Variants in SMAD2 observed in about 807,000 individuals in gnomAD.
The protein encoded by SMAD2 is MAD homolog 2.
In SMAD2, 8 loss-of-function variants were observed where a neutral mutation model predicts 64.4. The ratio of observed to expected loss-of-function variants is 0.12; its 90% CI spans 0.07 to 0.22. SMAD2 has a LOEUF of 0.22. SMAD2 is among the 10% of genes least tolerant of loss of function. The probability of loss-of-function intolerance (pLI) is 1.00; values close to 1 mark genes in which losing one functional copy is unlikely to be tolerated. For synonymous variants in SMAD2, 203 were observed against 195.8 expected (o/e 1.04, Z -0.31); for missense variants, 289 against 561.2 (o/e 0.51, Z 4.90).
In SMAD2 at chr18:47,835,466, T is replaced by G; in HGVS notation, c.*6361A>C. ...TTTTTCAGCTCGAACAATCCAAGAT[T>G]GGGAATAGTAAGAGTGGCAAACAAA... On this transcript the variant is annotated 3_prime_UTR_variant, in exon 11 of 11. Transcript: ENST00000262160. The G allele has an allele frequency of 5.0e-6, 1 of 200,366 alleles. No individual in the cohort carries two copies. Among genetic ancestry groups the G allele is most frequent in the East Asian group, 7.7e-5 (1 of 12,978 alleles). 12.4% of individuals were successfully genotyped at this position (200,366 alleles called of 1,614,324 possible).
intron 1 of SMAD2, among the ~76,000 whole-genome samples, chr18:47,919,583 GA>G (rs1432894926): frequency 6.6e-6 from 1 of 151,662 alleles, no homozygotes; most frequent in Non-Finnish European, 1.5e-5. Flanking sequence ...TAGTGAGGGG[GA>G]AATCTCAGAA....
At chr18:47,917,685 T>C (rs938656315) in intron 1 of SMAD2, among the ~76,000 whole-genome samples, 2 of 152,194 alleles carry the variant, frequency 1.3e-5, no homozygotes, top group Non-Finnish European at 2.9e-5. Context: ...CTTTAACTCA[T>C]CATTGCATTG....
Position 47,832,099 on chromosome 18 carries a change from T to G in SMAD2, c.*9728A>C, listed in dbSNP as rs1568018219. ...TGCACTAAGAGGCTTTCAATCTATT[T>G]TGAAGAGGGAAAAACAGAATATGCC... On this transcript the variant is annotated 3_prime_UTR_variant, in exon 11 of 11. Coordinates refer to ENST00000262160, the MANE Select transcript of SMAD2 (RefSeq NM_005901.6). The G allele has an allele frequency of 6.6e-6, 1 of 152,184 alleles. No homozygotes were observed. 9.4% of individuals were successfully genotyped at this position (152,184 alleles called of 1,614,324 possible).
chr18:47,930,751 TTCCGCCCTCCGCC>T (rs1182376609), upstream of SMAD2: 1 of 145,640 alleles, frequency 6.9e-6, no homozygotes, highest in Non-Finnish European at 1.5e-5. Flanking sequence ...CCACCTCCGC[TTCCGCCCTCCGCC>T]CTCGGCCGCC....
chr18:47,886,767 T>C, intron 2 of SMAD2: 1 of 158,274 alleles, frequency 6.3e-6, no homozygotes, highest in East Asian at 1.5e-4. Context: ...CTTCCCATCA[T>C]AACCCAAAGT....
Position 47,816,844 on chromosome 18 carries a change from C to A in SMAD2, c.*24983G>T, listed in dbSNP as rs1255957005. ...AGTGGCACATCTAGGCTCACTGCAA[C>A]CTCCACTTCTCAGGTTCAAGCCAAT... On this transcript the variant is annotated 3_prime_UTR_variant, in exon 11 of 11. Coordinates refer to ENST00000262160, the MANE Select transcript of SMAD2 (RefSeq NM_005901.6). The A allele has an allele frequency of 2.0e-5, 3 of 148,624 alleles. No individual in the cohort carries two copies. Among genetic ancestry groups the A allele is most frequent in the Admixed American group, 6.8e-5 (1 of 14,608 alleles). 9.2% of individuals were successfully genotyped at this position (148,624 alleles called of 1,614,324 possible). A position where few individuals can be genotyped will look rare whatever the true frequency, so the allele number is the denominator to read the frequency against.
At chr18:47,868,512 A>C in intron 4 of SMAD2, 55 bp from the exon 5 acceptor site, 1 of 1,487,444 alleles carries the variant, frequency 6.7e-7, no homozygotes, top group Admixed American at 1.7e-5. Flanking sequence ...GGAGTGGGGG[A>C]ACCTTTTTTA....
chr18:47,920,139 T>A (rs989564899), intron 1 of SMAD2: 1 of 152,154 alleles, frequency 6.6e-6, no homozygotes, highest in African/African-American at 2.4e-5. Context: ...GGCCCTCTTC[T>A]GGGTTGCAGA....
chr18:47,880,930 T>C (rs2032550041), intron 2 of SMAD2, among the ~76,000 whole-genome samples: 1 of 152,184 alleles, frequency 6.6e-6, no homozygotes. Flanking sequence ...CAGGGCTCTC[T>C]TTCTGAAACT....
At position 47,839,510 on chromosome 18, in the gene SMAD2, G is replaced by T. The variant is rs1913741651; in HGVS notation, c.*2317C>A. On this transcript the variant is annotated 3_prime_UTR_variant, in exon 11 of 11. Transcript: ENST00000262160. ...CACAAAGTCTGGAAGCAAGCAGCAG[G>T]GCACTAAAACAGTGAGAGCTTACAC... 1 of 233,246 alleles carries T rather than the reference G, an allele frequency of 4.3e-6. No homozygotes were observed. The highest frequency in any genetic ancestry group is 6.0e-5 in the East Asian group (1 of 16,672). The allele number at this position is 233,246 out of a possible 1,614,324, so 14.4% of individuals were successfully genotyped here.
chr18:47,924,118 C>T (rs944289654), intron 1 of SMAD2, among the ~76,000 whole-genome samples: 4 of 151,888 alleles, frequency 2.6e-5, no homozygotes, highest in African/African-American at 9.7e-5. Flanking sequence ...CATGGTGGCG[C>T]ATGCCTGTAA....
At position 47,831,878 on chromosome 18, in the gene SMAD2, A is replaced by AT. The variant is rs1477855580; in HGVS notation, c.*9948dup. The AT allele has an allele frequency of 6.6e-6, 1 of 151,292 alleles. No homozygotes were observed. The highest frequency in any genetic ancestry group is 2.4e-5 in the African/African-American group (1 of 41,072). The allele number at this position is 151,292 out of a possible 1,614,324, so 9.4% of individuals were successfully genotyped here. On this transcript the variant is annotated 3_prime_UTR_variant, in exon 11 of 11. Coordinates refer to ENST00000262160, the MANE Select transcript of SMAD2 (RefSeq NM_005901.6). The stretch of plus-strand genomic sequence containing the variant: ...GTAAATTAGCTTTTTGGGTTTTTCT[A>AT]TTCCTTTATTTGTAAACTTATAATT...
chr18:47,855,923 G>C (rs2030635632), intron 6 of SMAD2, among the ~76,000 whole-genome samples: 2 of 152,014 alleles, frequency 1.3e-5, no homozygotes, highest in South Asian at 4.1e-4. Context: ...TTTTACTCTT[G>C]CTGCTTTTAT....
intron 10 of SMAD2, 82 bp downstream of exon 10, chr18:47,845,258 C>T (rs528558604): frequency 1.0e-5 from 14 of 1,345,862 alleles, no homozygotes; most frequent in African/African-American, 4.3e-5. Flanking sequence ...AAAATAGATA[C>T]AAATGAACTC....
intron 1 of SMAD2, among the ~76,000 whole-genome samples, chr18:47,903,187 G>T (rs148015440): frequency 2.0e-5 from 3 of 152,096 alleles, no homozygotes; most frequent in Non-Finnish European, 4.4e-5. Context: ...CAAGGGCTGC[G>T]GTAGGACAGG....
chr18:47,843,439 G>C (rs764414064), intron 10 of SMAD2, among the ~76,000 whole-genome samples: 1 of 152,144 alleles, frequency 6.6e-6, no homozygotes, highest in African/African-American at 2.4e-5. Flanking sequence ...CACCCAAGGG[G>C]AGTAGGTTTA....
intron 1 of SMAD2, among the ~76,000 whole-genome samples, chr18:47,928,888 A>C (rs1469286516): frequency 1.3e-5 from 2 of 152,214 alleles, no homozygotes; most frequent in Non-Finnish European, 1.5e-5. Context: ...GCAGAGTTTA[A>C]TATTTATAGT....
rs1359283248 is a variant in SMAD2, at chr18:47,809,791, AC to A, written c.*32035del. 6.6e-6 allele frequency: 1 copy of A among 152,182 alleles called. No homozygotes were observed. Among genetic ancestry groups the A allele is most frequent in the East Asian group, 1.9e-4 (1 of 5,190 alleles). The allele number at this position is 152,182 out of a possible 1,614,324, so 9.4% of individuals were successfully genotyped here. On this transcript the variant is annotated 3_prime_UTR_variant, in exon 11 of 11. Transcript: ENST00000262160. ...CAGATGTTATTTTTTCCCACTATGT[AC>A]CTGTTACTTGGGTGGAGATTTCTTT...
intron 6 of SMAD2, among the ~76,000 whole-genome samples, chr18:47,851,798 A>G (rs939586739): frequency 6.6e-6 from 1 of 152,184 alleles, no homozygotes; most frequent in Non-Finnish European, 1.5e-5. Context: ...TGGATATTCA[A>G]GCTATTTTCA....
Sources: gnomAD v4.1 joint callset for allele counts (sites outside exome capture counted in the v4.1 genomes callset) on GRCh38, gnomAD v4.1.1 for gene constraint, MANE v1.5 for transcripts, NCBI Gene and HGNC (gene_info 2026-07-23, HGNC 2026-07-21) for gene names.